Variants in DLGAP2 observed in about 807,000 individuals in gnomAD.
DLGAP2 encodes the protein disks large-associated protein 2.
In DLGAP2, 26 loss-of-function variants were observed where a neutral mutation model predicts 100.3. The observed-to-expected ratio is 0.26, with a 90% CI of 0.19 to 0.36. The LOEUF is 0.36. Ranked by LOEUF, DLGAP2 falls within the 10% of genes least tolerant of loss-of-function variation. The pLI is 1.00. For synonymous variants in DLGAP2, 886 were observed against 630.1 expected (o/e 1.41, Z -6.08); for missense variants, 1,858 against 1,453.2 (o/e 1.28, Z -4.53).
chr8:754,889 A>T (rs557600321), intron 1 of DLGAP2, among the ~76,000 whole-genome samples: 1 of 152,314 alleles, frequency 6.6e-6, no homozygotes, highest in African/African-American at 2.4e-5. Flanking sequence ...GTGCTGTTGT[A>T]ACCAAGATAC....
intron 4 of DLGAP2, among the ~76,000 whole-genome samples, chr8:1,547,628 C>T (rs1007627250): frequency 6.6e-6 from 1 of 152,170 alleles, no homozygotes; most frequent in East Asian, 1.9e-4. Context: ...CGCCCAGCCG[C>T]CTTCCCAGGG....
intron 1 of DLGAP2, among the ~76,000 whole-genome samples, chr8:835,542 C>G (rs1026026586): frequency 6.6e-6 from 1 of 150,392 alleles, no homozygotes. Flanking sequence ...GCTTTGTAGT[C>G]CGTGGTCCCC....
chr8:1,483,709 G>GGAGGTGGGGACCAGGGAGGCAGGTGCAC (rs1381928066), intron 3 of DLGAP2, among the ~76,000 whole-genome samples: 1 of 151,616 alleles, frequency 6.6e-6, no homozygotes, highest in Non-Finnish European at 1.5e-5. Flanking sequence ...GGCAGGTGCA[G>GGAGGTGGGGACCAGGGAGGCAGGTGCAC]GACGTGGGGA....
At chr8:1,044,803 C>T (rs962641869) in intron 2 of DLGAP2, among the ~76,000 whole-genome samples, 6 of 152,200 alleles carry the variant, frequency 3.9e-5, no homozygotes, top group South Asian at 2.1e-4. Context: ...GATCTTACCT[C>T]GGGTCACCTC....
chr8:1,565,569 A>T, intron 5 of DLGAP2, 114 bp from the exon 6 acceptor site: 1 of 754,466 alleles, frequency 1.3e-6, no homozygotes, highest in East Asian at 2.8e-5. Flanking sequence ...CTGATAAATG[A>T]CTGTAAAGAG....
At chr8:1,072,853 C>T (rs886429048) in intron 2 of DLGAP2, among the ~76,000 whole-genome samples, 2 of 152,172 alleles carry the variant, frequency 1.3e-5, no homozygotes, top group Admixed American at 6.5e-5. Context: ...GGGAAGGTTT[C>T]GGGGAGGCTG....
intron 3 of DLGAP2, among the ~76,000 whole-genome samples, chr8:1,343,040 G>GCC (rs1801454689): frequency 6.6e-6 from 1 of 152,200 alleles, no homozygotes; most frequent in Non-Finnish European, 1.5e-5. Context: ...ATTAATTTCT[G>GCC]TACTTTTTGT....
rs535105978 is a variant in DLGAP2, at chr8:1,050,830, AT to A, written c.73+142870del. On this transcript the variant is annotated intron_variant, in intron 2 of 14. Transcript: ENST00000637795. ...CTGTGGAGGGATGAAAAGGACCTGAATTTTTTACGTGCTTCCCCATAGATTT... is the reference window on the plus strand; with the variant it reads ...CTGTGGAGGGATGAAAAGGACCTGAATTTTTACGTGCTTCCCCATAGATTT... Among the ~76,000 whole-genome samples, 48 of 152,148 alleles carry A rather than the reference AT, an allele frequency of 3.2e-4. No homozygotes were observed. In the East Asian group the frequency reaches 4.8e-3, roughly 15 times the overall value.
chr8:1,056,004 C>T (rs1021615739), intron 2 of DLGAP2, among the ~76,000 whole-genome samples: 8 of 152,174 alleles, frequency 5.3e-5, no homozygotes, highest in Admixed American at 1.3e-4. Context: ...GGAAGCTGCT[C>T]CTTATGGAGG....
At chr8:785,252 A>AAAAAAAG in intron 1 of DLGAP2, among the ~76,000 whole-genome samples, 1 of 139,088 alleles carries the variant, frequency 7.2e-6, no homozygotes. Flanking sequence ...AAAAAAAAAA[A>AAAAAAAG]GGCACGTCCT....
intron 1 of DLGAP2, among the ~76,000 whole-genome samples, chr8:875,358 C>G (rs1585960769): frequency 6.6e-6 from 1 of 152,114 alleles, no homozygotes; most frequent in Non-Finnish European, 1.5e-5. Context: ...AATTGTGGTT[C>G]CCATAATCCC....
intron 2 of DLGAP2, among the ~76,000 whole-genome samples, chr8:968,381 G>A (rs1799932122): frequency 6.6e-6 from 1 of 152,188 alleles, no homozygotes; most frequent in Non-Finnish European, 1.5e-5. Context: ...GTGAGCTGAA[G>A]TGACTTATGG....
chr8:1,238,352 C>G (rs1232576818), intron 2 of DLGAP2, among the ~76,000 whole-genome samples: 1 of 12,844 alleles, frequency 7.8e-5, no homozygotes, highest in African/African-American at 4.4e-4. Flanking sequence ...CACAGAGCAT[C>G]GTGTCTAGTT....
intron 1 of DLGAP2, among the ~76,000 whole-genome samples, chr8:835,153 G>A (rs917161963): frequency 6.6e-6 from 1 of 152,300 alleles, no homozygotes; most frequent in South Asian, 2.1e-4. Flanking sequence ...AATGCTCCTC[G>A]TCTGGTACTA....
chr8:1,140,712 C>T (rs752581141), intron 2 of DLGAP2, among the ~76,000 whole-genome samples: 39 of 152,198 alleles, frequency 2.6e-4, no homozygotes, highest in African/African-American at 4.1e-4. Context: ...TGACTCATAC[C>T]TGTAATCCCA....
chr8:994,910 G>T (rs560961598), intron 2 of DLGAP2, among the ~76,000 whole-genome samples: 1 of 152,328 alleles, frequency 6.6e-6, no homozygotes, highest in African/African-American at 2.4e-5. Context: ...GAAATAGAAT[G>T]TCTAAGGAAA....
chr8:1,591,725 T>C (rs1429119502), intron 6 of DLGAP2, among the ~76,000 whole-genome samples: 2 of 152,094 alleles, frequency 1.3e-5, no homozygotes, highest in Non-Finnish European at 2.9e-5. Context: ...CACCCGCATA[T>C]CTCCTGGCCC....
At chr8:1,107,523 C>T (rs545629355) in intron 2 of DLGAP2, among the ~76,000 whole-genome samples, 1 of 152,160 alleles carries the variant, frequency 6.6e-6, no homozygotes, top group South Asian at 2.1e-4. Context: ...AGAGCCAGGG[C>T]CCCTCGCGTG....
intron 3 of DLGAP2, among the ~76,000 whole-genome samples, chr8:1,416,354 T>C (rs1387633827): frequency 6.6e-6 from 1 of 152,206 alleles, no homozygotes; most frequent in African/African-American, 2.4e-5. Context: ...ATTTCAGACG[T>C]GCCTGGTCAC....
Sources: allele counts gnomAD v4.1 joint callset (sites outside exome capture counted in the v4.1 genomes callset), GRCh38; gene constraint gnomAD v4.1.1; transcripts MANE v1.5; gene names NCBI Gene and HGNC (gene_info 2026-07-23, HGNC 2026-07-21).